Variants in EPS15L1 observed in about 807,000 individuals in gnomAD.
EPS15L1 encodes epidermal growth factor receptor substrate 15-like 1.
In EPS15L1, 43 loss-of-function variants were observed where a neutral mutation model predicts 117.1. That is an observed-to-expected ratio of 0.37 (90% CI 0.29 to 0.47). The LOEUF (loss-of-function observed/expected upper bound fraction) is 0.47, where lower values mean the gene tolerates loss of function less well. Ranked by LOEUF, EPS15L1 falls within the 20% of genes least tolerant of loss-of-function variation. The pLI is 0.99. For synonymous variants in EPS15L1, 459 were observed against 470.5 expected (o/e 0.98, Z 0.32); for missense variants, 981 against 1,164.0 (o/e 0.84, Z 2.29).
At chr19:16,446,716 C>A (rs146465644) in intron 1 of EPS15L1, among the ~76,000 whole-genome samples, 46 of 152,274 alleles carry the variant, frequency 3.0e-4, no homozygotes, top group African/African-American at 1.1e-3. Flanking sequence ...GTGCACCGGA[C>A]CACAGGACAG....
intron 21 of EPS15L1, 122 bp downstream of exon 21, chr19:16,385,007 G>A (rs2092404274): frequency 2.5e-6 from 2 of 788,466 alleles, no homozygotes; most frequent in South Asian, 1.5e-5. Context: ...ACCTGACCTT[G>A]TGTTGGAAAG....
chr19:16,466,224 G>C (rs2093303799), intron 1 of EPS15L1, among the ~76,000 whole-genome samples: 1 of 152,044 alleles, frequency 6.6e-6, no homozygotes. Context: ...TCGACCTCCA[G>C]TGATCTGCCC....
intron 7 of EPS15L1, among the ~76,000 whole-genome samples, chr19:16,430,376 A>C (rs1464717014): frequency 6.6e-6 from 1 of 152,222 alleles, no homozygotes; most frequent in African/African-American, 2.4e-5. Flanking sequence ...CCCTGTCCAC[A>C]GTAGGACCTC....
In EPS15L1 at chr19:16,383,386, A is replaced by C. The variant is rs1396914007; in HGVS notation, c.2247+1743T>G. On this transcript the variant is annotated intron_variant, in intron 21 of 23. Coordinates refer to ENST00000455140, the MANE Select transcript of EPS15L1 (RefSeq NM_001258374.3). This position sits in a 1 kb window ranked among gnomAD's most constrained non-coding sequence, Gnocchi z 5.2. ...GAGGAAGACAGATCCAGCCTCCCAA[A>C]GGAAGAGGAGTCCACTTGCGACAAC... 3 of 152,156 alleles carry C rather than the reference A, an allele frequency of 2.0e-5. No individual in the cohort carries two copies. Among genetic ancestry groups the C allele is most frequent in the Non-Finnish European group, 2.9e-5 (2 of 68,030 alleles). 9.4% of individuals were successfully genotyped at this position (152,156 alleles called of 1,614,324 possible).
intron 22 of EPS15L1, among the ~76,000 whole-genome samples, chr19:16,376,380 G>C (rs532444946): frequency 3.3e-5 from 5 of 152,342 alleles, no homozygotes; most frequent in Admixed American, 2.6e-4. Context: ...GCCTAACTCT[G>C]TCATACGAGA....
intron 23 of EPS15L1, among the ~76,000 whole-genome samples, chr19:16,360,859 T>G (rs761958142): frequency 6.6e-6 from 1 of 152,202 alleles, no homozygotes; most frequent in Non-Finnish European, 1.5e-5. Context: ...GGCAGGGCTG[T>G]GTTCAAAGAG....
intron 17 of EPS15L1, 83 bp from the exon 18 acceptor site, chr19:16,394,084 C>T (rs2092513617): frequency 2.4e-6 from 3 of 1,225,806 alleles, no homozygotes; most frequent in Non-Finnish European, 3.6e-6. Context: ...ACCCACCTCC[C>T]AAGCCTTTCA....
intron 1 of EPS15L1, among the ~76,000 whole-genome samples, chr19:16,442,801 C>T (rs2093045655): frequency 2.0e-5 from 3 of 152,216 alleles, no homozygotes. Flanking sequence ...GTGCAGTGTC[C>T]TCAGCTTGGC....
At chr19:16,438,946 G>C (rs1015775318) in intron 4 of EPS15L1, among the ~76,000 whole-genome samples, 2 of 152,130 alleles carry the variant, frequency 1.3e-5, no homozygotes, top group Admixed American at 1.3e-4. Context: ...CCAGTGGCCT[G>C]ACGTGGACCC....
At chr19:16,386,836 G>A (rs1323548212) in intron 19 of EPS15L1, among the ~76,000 whole-genome samples, 1 of 152,248 alleles carries the variant, frequency 6.6e-6, no homozygotes, top group Admixed American at 6.5e-5. Flanking sequence ...GCCATCTGCT[G>A]GTGAGTGTCT....
intron 9 of EPS15L1, among the ~76,000 whole-genome samples, chr19:16,424,239 G>A (rs2092845837): frequency 6.6e-6 from 1 of 152,210 alleles, no homozygotes; most frequent in African/African-American, 2.4e-5. Context: ...AGTAGGGGGA[G>A]CATGTGGACT....
rs2091978722 is a variant in EPS15L1 at position 16,356,262 on chromosome 19, A to G, written c.2587-411T>C. 4 of 200,470 alleles carry G rather than the reference A, an allele frequency of 2.0e-5. No individual in the cohort carries two copies. In the South Asian group the frequency reaches 5.0e-4, roughly 25 times the overall value. The allele number at this position is 200,470 out of a possible 1,614,324, so 12.4% of individuals were successfully genotyped here. A position where few individuals can be genotyped will look rare whatever the true frequency, so the allele number is the denominator to read the frequency against. On this transcript the variant is annotated intron_variant, in intron 23 of 23. Coordinates refer to ENST00000455140, the MANE Select transcript of EPS15L1 (RefSeq NM_001258374.3). ...CTGGGAATGTGGTATTTCTACCTCC[A>G]GCCATGCTCCAGAGAGCTCTGAGAC...
chr19:16,376,648 G>A (rs1267016470), intron 22 of EPS15L1, among the ~76,000 whole-genome samples: 1 of 152,222 alleles, frequency 6.6e-6, no homozygotes, highest in Non-Finnish European at 1.5e-5. Flanking sequence ...AGCTGGGAAG[G>A]GACTGGACCA....
chr19:16,427,563 T>C (rs2092883975), intron 8 of EPS15L1, among the ~76,000 whole-genome samples: 1 of 152,100 alleles, frequency 6.6e-6, no homozygotes, highest in Non-Finnish European at 1.5e-5. Context: ...CTTTCCTACA[T>C]ACAAAGAACT....
chr19:16,421,265 C>T (rs1214125271), intron 10 of EPS15L1, 54 bp downstream of exon 10: 6 of 1,559,804 alleles, frequency 3.8e-6, no homozygotes, highest in Non-Finnish European at 8.7e-7. Flanking sequence ...CAGTCTTCAC[C>T]CACAGGCCCC....
chr19:16,461,229 G>A (rs568924564), intron 1 of EPS15L1, among the ~76,000 whole-genome samples: 18 of 151,448 alleles, frequency 1.2e-4, no homozygotes, highest in Non-Finnish European at 8.8e-5. Flanking sequence ...GCATGAACCC[G>A]GGAGACGGAG....
chr19:16,392,229 G>T (rs2092483846), intron 19 of EPS15L1, 75 bp downstream of exon 19: 3 of 1,549,970 alleles, frequency 1.9e-6, no homozygotes, highest in Middle Eastern at 1.9e-4. Context: ...AAGGGAAGGG[G>T]GCCTTCGGGA....
intron 7 of EPS15L1, among the ~76,000 whole-genome samples, chr19:16,429,070 A>AC (rs1030448878): frequency 8.8e-6 from 1 of 113,322 alleles, no homozygotes; most frequent in Non-Finnish European, 2.0e-5. Flanking sequence ...GACATCTTAG[A>AC]AAAGACAGCT....
At chr19:16,367,616 G>A (rs1417532977) in intron 22 of EPS15L1, among the ~76,000 whole-genome samples, 1 of 150,870 alleles carries the variant, frequency 6.6e-6, no homozygotes, top group African/African-American at 2.4e-5. Flanking sequence ...CCTAGCACCC[G>A]GGATCGGGGC....
Sources: gnomAD v4.1 joint callset for allele counts (sites outside exome capture counted in the v4.1 genomes callset) on GRCh38, gnomAD v4.1.1 for gene constraint, Gnocchi (gnomAD v3.1) non-coding constraint, MANE v1.5 for transcripts, NCBI Gene and HGNC (gene_info 2026-07-23, HGNC 2026-07-21) for gene names.